Variants in MSANTD4 observed in about 807,000 individuals in gnomAD.
MSANTD4 encodes the protein Myb/SANT DNA binding domain containing 4 with coiled-coils, also known as myb/SANT-like DNA-binding domain-containing protein 4.
Under a neutral mutation model 34.3 loss-of-function variants are expected in MSANTD4, and 13 were observed. The observed-to-expected ratio is 0.38, with a 90% CI of 0.25 to 0.60. The LOEUF is 0.60. MSANTD4 is among the 20% of genes least tolerant of loss of function. The pLI is 0.63. For synonymous variants in MSANTD4, 137 were observed against 145.2 expected (o/e 0.94, Z 0.41); for missense variants, 358 against 401.8 (o/e 0.89, Z 0.93).
intron 1 of MSANTD4, among the ~76,000 whole-genome samples, chr11:106,013,169 G>A (rs1312991110): frequency 6.6e-6 from 1 of 152,124 alleles, no homozygotes; most frequent in Non-Finnish European, 1.5e-5. Flanking sequence ...GGGAAACAGG[G>A]CTCAGAAAGA....
At chr11:106,011,933 A>G (rs1350695333) in intron 1 of MSANTD4, among the ~76,000 whole-genome samples, 1 of 152,176 alleles carries the variant, frequency 6.6e-6, no homozygotes, top group South Asian at 2.1e-4. Flanking sequence ...ACATTTTACT[A>G]CTTCACAAAT....
chr11:106,010,785 G>C lies in MSANTD4; in HGVS notation c.133C>G (p.Arg45Gly). 4.3e-6 allele frequency: 7 copies of C among 1,614,038 alleles called. No individual in the cohort carries two copies. Among genetic ancestry groups the C allele is most frequent in the Non-Finnish European group, 5.9e-6 (7 of 1,180,014 alleles). Residue 45 changes from arginine to glycine, a missense_variant, in exon 2 of 3, where the codon CGA becomes GGA. Transcript: ENST00000301919. ...TGTGCAATCTCTTCCCAAGCCATTC[G>C]CTTCATCACATTAATTGTTGTATTG... ...QLNTTINVMK[R>G]MAWEEIAQCV...
In MSANTD4 at chr11:106,010,463, C is replaced by T; in HGVS notation, c.455G>A (p.Ser152Asn). 6.2e-7 allele frequency: 1 copy of T among 1,611,644 alleles called. No individual in the cohort carries two copies. Among genetic ancestry groups the T allele is most frequent in the East Asian group, 2.2e-5 (1 of 44,860 alleles). The change falls in exon 2 of 3, where the codon AGT (serine) becomes AAT (asparagine). Residue 152 changes from serine to asparagine, a missense_variant. Ser to Asn is a conservative substitution (Grantham distance 46, BLOSUM62 1). This residue lies in a region of MSANTD4 where 312 missense variants were observed against 317.6 expected (regional missense o/e 0.98). Coordinates refer to ENST00000301919, the MANE Select transcript of MSANTD4 (RefSeq NM_032424.3). ...ACAGAGGCTAATACTTACTTCAGGA[C>T]TCTGCGGATCCCTTTCTTCCTCTTC... is the stretch of plus-strand genomic sequence containing the variant. ...KVEEEERDPQ[S>N]PEFEIEEEEE... is the part of the protein sequence containing the mutation.
At chr11:106,019,726 G>A (rs1037797903) in intron 1 of MSANTD4, among the ~76,000 whole-genome samples, 3 of 152,100 alleles carry the variant, frequency 2.0e-5, no homozygotes, top group Non-Finnish European at 2.9e-5. Flanking sequence ...GATCAGATAC[G>A]AATATATTAT....
intron 1 of MSANTD4, among the ~76,000 whole-genome samples, chr11:106,017,337 T>G (rs1056960925): frequency 6.6e-6 from 1 of 152,192 alleles, no homozygotes; most frequent in Admixed American, 6.5e-5. Context: ...ACCACCAACC[T>G]GGGGATCATG....
At chr11:106,013,809 C>T (rs1859767028) in intron 1 of MSANTD4, among the ~76,000 whole-genome samples, 2 of 152,314 alleles carry the variant, frequency 1.3e-5, no homozygotes, top group Admixed American at 1.3e-4. Flanking sequence ...TTGCAGTGAG[C>T]CGAGATTGTG....
chr11:106,012,593 A>G (rs1859728842), intron 1 of MSANTD4, among the ~76,000 whole-genome samples: 1 of 152,194 alleles, frequency 6.6e-6, no homozygotes, highest in Non-Finnish European at 1.5e-5. Context: ...TGTTTCTCCA[A>G]TTTCCAGAAT....
chr11:106,014,223 C>T (rs1202153497), intron 1 of MSANTD4, among the ~76,000 whole-genome samples: 1 of 152,174 alleles, frequency 6.6e-6, no homozygotes, highest in Non-Finnish European at 1.5e-5. Flanking sequence ...TGTAACCTTC[C>T]AGCAGGATAG....
intron 1 of MSANTD4, among the ~76,000 whole-genome samples, chr11:106,014,572 A>G (rs1271426152): frequency 6.6e-6 from 1 of 152,266 alleles, no homozygotes; most frequent in African/African-American, 2.4e-5. Flanking sequence ...GCTAAATTGA[A>G]TAAGAAAATG....
Position 106,009,367 on chromosome 11 carries a change from C to A in MSANTD4, c.*168G>T. ...CTGCTATACTGTTTACGCTAGGGCA[C>A]AGCTTTTATATACTACTTAGGCATA... is the stretch of plus-strand genomic sequence containing the variant. On this transcript the variant is annotated 3_prime_UTR_variant, in exon 3 of 3. Transcript: ENST00000301919. 1.6e-6 allele frequency: 1 copy of A among 630,682 alleles called. No individual in the cohort carries two copies. Among genetic ancestry groups the A allele is most frequent in the Non-Finnish European group, 2.7e-6 (1 of 367,950 alleles). The allele number at this position is 630,682 out of a possible 1,614,324, so 39.1% of individuals were successfully genotyped here. A position where few individuals can be genotyped will look rare whatever the true frequency, so the allele number is the denominator to read the frequency against.
At chr11:106,015,958 A>G (rs1859833278) in intron 1 of MSANTD4, among the ~76,000 whole-genome samples, 1 of 152,144 alleles carries the variant, frequency 6.6e-6, no homozygotes, top group Admixed American at 6.5e-5. Context: ...CAAACTCCTG[A>G]GCCCCAGTGA....
Position 106,010,517 on chromosome 11 carries a change from G to A in MSANTD4, c.401C>T (p.Ala134Val). The part of the protein sequence containing the change: ...DWQNVADFRD[A>V]GGSLTEVKVE... ...CTTGACCTCAGTTAAGGATCCACCT[G>A]CATCCCTGAAATCTGCCACATTTTG... Residue 134 changes from alanine (A) to valine (V), a missense_variant, in exon 2 of 3, where the codon GCA becomes GTA. Ala to Val is a moderately conservative substitution (Grantham distance 64). Transcript: ENST00000301919. The A allele has an allele frequency of 1.2e-6, 2 of 1,614,122 alleles. No individual in the cohort carries two copies. Among genetic ancestry groups the A allele is most frequent in the Non-Finnish European group, 1.7e-6 (2 of 1,180,016 alleles).
intron 1 of MSANTD4, among the ~76,000 whole-genome samples, chr11:106,013,754 C>T (rs1859764677): frequency 6.6e-6 from 1 of 152,138 alleles, no homozygotes; most frequent in Non-Finnish European, 1.5e-5. Flanking sequence ...CCCAGCTACT[C>T]AGGAGGCTGA....
intron 2 of MSANTD4, 28 bp downstream of exon 2, chr11:106,010,427 TA>T: frequency 1.3e-6 from 2 of 1,562,526 alleles, no homozygotes; most frequent in Non-Finnish European, 1.7e-6. Flanking sequence ...TTGAAAAGAT[TA>T]AAAGAGGGTA....
chr11:106,014,705 T>A (rs963994132), intron 1 of MSANTD4, among the ~76,000 whole-genome samples: 4 of 152,228 alleles, frequency 2.6e-5, no homozygotes, highest in African/African-American at 9.6e-5. Flanking sequence ...ATTTTTCCTT[T>A]TCAAGCTCTT....
At chr11:106,020,532 G>T (rs757495250) in intron 1 of MSANTD4, among the ~76,000 whole-genome samples, 1 of 152,196 alleles carries the variant, frequency 6.6e-6, no homozygotes, top group Admixed American at 6.5e-5. Flanking sequence ...TCCACCGTAA[G>T]ATTTTGCTCT....
In MSANTD4 at chr11:106,021,125, G is replaced by A. The variant is rs937923976; in HGVS notation, c.-314C>T. 2 of 152,116 alleles carry A rather than the reference G, an allele frequency of 1.3e-5. No individual in the cohort carries two copies. Among genetic ancestry groups the A allele is most frequent in the Non-Finnish European group, 2.9e-5 (2 of 68,016 alleles). The allele number at this position is 152,116 out of a possible 1,614,324, so 9.4% of individuals were successfully genotyped here. ...TACTGTGTGAAAGGCACTATTTTTG[G>A]TGCTGGGGATATAACACCTCATAAA... On this transcript the variant is annotated 5_prime_UTR_variant, in exon 1 of 3. Transcript: ENST00000301919.
intron 1 of MSANTD4, among the ~76,000 whole-genome samples, chr11:106,019,335 A>T (rs1208447585): frequency 6.6e-6 from 1 of 152,232 alleles, no homozygotes; most frequent in Non-Finnish European, 1.5e-5. Context: ...CGGTAAAAAG[A>T]AACAGGTAAA....
At chr11:106,019,973 A>T (rs1302490644) in intron 1 of MSANTD4, among the ~76,000 whole-genome samples, 2 of 152,226 alleles carry the variant, frequency 1.3e-5, no homozygotes, top group Non-Finnish European at 2.9e-5. Context: ...TTTGAAGATT[A>T]AAAGAGATAA....
Sources: gnomAD v4.1 joint callset for allele counts (sites outside exome capture counted in the v4.1 genomes callset) on GRCh38, gnomAD v4.1.1 for gene constraint, gnomAD v4.1.1 regional missense constraint, MANE v1.5 for transcripts, NCBI Gene and HGNC (gene_info 2026-07-23, HGNC 2026-07-21) for gene names.